The following ASIC2 variants were observed in gnomAD, a reference collection of about 807,000 sequenced individuals.
The protein encoded by ASIC2 is acid-sensing ion channel 2.
A neutral mutation model predicts 57.3 loss-of-function variants in ASIC2; 25 were observed. The ratio of observed to expected loss-of-function variants is 0.44; its 90% confidence interval spans 0.32 to 0.61. The LOEUF (loss-of-function observed/expected upper bound fraction) is 0.61. Ranked by LOEUF, ASIC2 falls within the 20% of genes least tolerant of loss-of-function variation. ASIC2 has a pLI of 0.06. For missense variants in ASIC2, 641 were observed against 738.1 expected, an observed-to-expected ratio of 0.87 and a Z score of 1.52; for synonymous variants, 319 against 307.5, an observed-to-expected ratio of 1.04 and a Z score of -0.39.
chr17:33,121,187 G>A (rs1308556247), intron 1 of ASIC2, among the ~76,000 whole-genome samples: 1 of 152,228 alleles, frequency 6.6e-6, no homozygotes, highest in Non-Finnish European at 1.5e-5. Flanking sequence ...TTTGGCTGTG[G>A]ATGTTGAATC....
At chr17:34,150,886 G>A (rs1015350960) in intron 1 of ASIC2, among the ~76,000 whole-genome samples, 1 of 152,086 alleles carries the variant, frequency 6.6e-6, no homozygotes, top group Non-Finnish European at 1.5e-5. Context: ...AGGCCAAGGT[G>A]GGCAGATCAC....
intron 1 of ASIC2, among the ~76,000 whole-genome samples, chr17:34,076,949 G>A (rs996531123): frequency 1.3e-5 from 2 of 152,216 alleles, no homozygotes; most frequent in East Asian, 1.9e-4. Context: ...ATCAGCACCT[G>A]CCATGGGCCA....
intron 1 of ASIC2, among the ~76,000 whole-genome samples, chr17:33,679,935 G>GTAA (rs1415717398): frequency 1.3e-5 from 2 of 152,176 alleles, no homozygotes; most frequent in Non-Finnish European, 2.9e-5. Context: ...TTGAGTTTGT[G>GTAA]TAATAGCCTG....
intron 6 of ASIC2, among the ~76,000 whole-genome samples, chr17:33,023,192 T>TA (rs1191611590): frequency 6.6e-6 from 1 of 151,988 alleles, no homozygotes; most frequent in Non-Finnish European, 1.5e-5. Context: ...ATACATCCTT[T>TA]AAAAAAATCT....
chr17:33,757,223 G>C (rs1045617717), intron 1 of ASIC2, among the ~76,000 whole-genome samples: 4 of 152,178 alleles, frequency 2.6e-5, no homozygotes, highest in African/African-American at 9.7e-5. Flanking sequence ...TCTCTTTGCT[G>C]TCATTGTACT....
chr17:33,840,643 G>C (rs1247761060), intron 1 of ASIC2, among the ~76,000 whole-genome samples: 1 of 152,162 alleles, frequency 6.6e-6, no homozygotes, highest in Non-Finnish European at 1.5e-5. Context: ...AAGGGGAGTT[G>C]ACATCTACTA....
rs142876590 is a variant in ASIC2 at position 33,431,429 on chromosome 17, C to A, written c.556-319362G>T. ...TGAGAACAGCCTGGCCATGATGAAA[C>A]CCTGTCTCTACTAAAAATACAAAAA... On this transcript the variant is annotated intron_variant, in intron 1 of 9. Coordinates refer to the ASIC2 transcript ENST00000359872. 2.4e-3 allele frequency among the ~76,000 whole-genome samples: 370 copies of A among 152,176 alleles called. 2 individuals carry two copies. Among genetic ancestry groups the A allele is most frequent in the African/African-American group, 8.5e-3 (355 of 41,522 alleles).
At chr17:34,025,987 T>C (rs996049928) in intron 1 of ASIC2, among the ~76,000 whole-genome samples, 4 of 152,214 alleles carry the variant, frequency 2.6e-5, no homozygotes, top group African/African-American at 9.7e-5. Context: ...CTTTTTCTCA[T>C]CTGTGAAATG....
chr17:33,676,042 T>C (rs753815346), intron 1 of ASIC2, among the ~76,000 whole-genome samples: 5 of 152,216 alleles, frequency 3.3e-5, no homozygotes, highest in Admixed American at 6.5e-5. Flanking sequence ...CAAACTTTCT[T>C]ATTATTACTG....
At chr17:33,986,690 G>T (rs1477036410) in intron 1 of ASIC2, among the ~76,000 whole-genome samples, 1 of 151,996 alleles carries the variant, frequency 6.6e-6, no homozygotes, top group African/African-American at 2.4e-5. Flanking sequence ...TTCACACCAT[G>T]CCTTATAAGC....
intron 1 of ASIC2, among the ~76,000 whole-genome samples, chr17:33,745,431 T>A: frequency 6.9e-6 from 1 of 145,826 alleles, no homozygotes. Context: ...AATTTACATA[T>A]CCAAGAATCT....
At chr17:33,756,394 C>T (rs1041021260) in intron 1 of ASIC2, among the ~76,000 whole-genome samples, 2 of 152,216 alleles carry the variant, frequency 1.3e-5, no homozygotes, top group African/African-American at 4.8e-5. Flanking sequence ...GGGCCTGCAG[C>T]TTTAGGATTA....
At chr17:34,067,211 T>C (rs8069351) in intron 1 of ASIC2, among the ~76,000 whole-genome samples, 132,724 of 152,188 alleles carry the variant, frequency 0.87, 58,016 homozygotes, top group South Asian at 0.9. Flanking sequence ...ATACTAGGGC[T>C]GACATTGCTT....
intron 1 of ASIC2, among the ~76,000 whole-genome samples, chr17:33,373,238 T>C (rs571414972): frequency 4.9e-4 from 75 of 152,340 alleles, no homozygotes; most frequent in African/African-American, 1.8e-3. Context: ...ATATTTCAGA[T>C]GCTAGGTGGG....
intron 1 of ASIC2, among the ~76,000 whole-genome samples, chr17:33,588,923 T>C (rs1904736029): frequency 6.6e-6 from 1 of 152,244 alleles, no homozygotes. Flanking sequence ...ATTCACTTGC[T>C]GTGTGGCCCA....
At chr17:33,416,942 C>T (rs1910863706) in intron 1 of ASIC2, among the ~76,000 whole-genome samples, 1 of 152,070 alleles carries the variant, frequency 6.6e-6, no homozygotes, top group Non-Finnish European at 1.5e-5. Context: ...CCTGCCCATG[C>T]TAGACAGTGA....
At chr17:33,698,564 G>A (rs561781566) in intron 1 of ASIC2, among the ~76,000 whole-genome samples, 1 of 152,262 alleles carries the variant, frequency 6.6e-6, no homozygotes, top group Admixed American at 6.5e-5. Flanking sequence ...TAAAAGCAAA[G>A]GAGAGAAAGT....
intron 1 of ASIC2, among the ~76,000 whole-genome samples, chr17:33,571,483 C>T (rs1268519195): frequency 6.6e-6 from 1 of 152,156 alleles, no homozygotes; most frequent in Non-Finnish European, 1.5e-5. Flanking sequence ...AGTGAAATGT[C>T]CCCAAAGACT....
chr17:33,414,371 T>C (rs1268006568), intron 1 of ASIC2, among the ~76,000 whole-genome samples: 1 of 152,002 alleles, frequency 6.6e-6, no homozygotes, highest in Admixed American at 6.6e-5. Context: ...GAAGGGGATG[T>C]TCTAGGTTGG....
Sources: allele counts gnomAD v4.1 joint callset (sites outside exome capture counted in the v4.1 genomes callset), GRCh38; gene constraint gnomAD v4.1.1; transcripts MANE v1.5; gene names NCBI Gene and HGNC (gene_info 2026-07-23, HGNC 2026-07-21).